FGD5: variants seen among roughly 807,000 people sequenced by gnomAD.
FGD5 encodes the protein FYVE, RhoGEF and PH domain-containing protein 5.
Under a neutral mutation model 133.4 loss-of-function variants are expected in FGD5, and 28 were observed. That is an observed-to-expected ratio of 0.21 (90% CI 0.16 to 0.29). FGD5 has a LOEUF of 0.29. Among genes scored for constraint, FGD5 ranks in the 10% least tolerant of loss-of-function variants. The pLI, the probability that FGD5 is intolerant of heterozygous loss-of-function variation, is 1.00. For missense variants in FGD5, 1,858 were observed against 1,895.2 expected (o/e 0.98, Z 0.36); for synonymous variants, 810 against 776.5 (o/e 1.04, Z -0.72).
At chr3:14,874,823 C>T (rs1001380767) in intron 2 of FGD5, among the ~76,000 whole-genome samples, 2 of 152,186 alleles carry the variant, frequency 1.3e-5, no homozygotes, top group African/African-American at 4.8e-5. Context: ...GGGCCAAACC[C>T]ACAGTCACAC....
At chr3:14,843,064 C>T (rs1160881809) in intron 1 of FGD5, among the ~76,000 whole-genome samples, 1 of 152,144 alleles carries the variant, frequency 6.6e-6, no homozygotes, top group Non-Finnish European at 1.5e-5. Context: ...ATTTTAAAAT[C>T]CCGAGAGTTG....
chr3:14,914,083 G>A lies in FGD5; in HGVS notation c.3405+3154G>A, dbSNP rs185694640. On this transcript the variant is annotated intron_variant, in intron 11 of 19. Transcript: ENST00000285046. Reference sequence around the variant, plus strand: ...GGTCCTCTTCTTCCTCTGGCTCAGCGCAGCCCTTCCACTGAGCAGTGTTGA... The same window carrying A: ...GGTCCTCTTCTTCCTCTGGCTCAGCACAGCCCTTCCACTGAGCAGTGTTGA... 2.3e-3 allele frequency among the ~76,000 whole-genome samples: 350 copies of A among 152,282 alleles called. 1 individual carries two copies. The highest frequency in any genetic ancestry group is 8.2e-3 in the African/African-American group (339 of 41,552).
rs549299298 is a variant in FGD5 at position 14,921,567 on chromosome 3, G to A, written c.3570-351G>A. 6.9e-5 allele frequency: 18 copies of A among 259,826 alleles called. No individual in the cohort carries two copies. In the South Asian group the frequency reaches 8.2e-4, roughly 12 times the overall value. The allele number at this position is 259,826 out of a possible 1,614,324, so 16.1% of individuals were successfully genotyped here. ...CCAGCCCTCTGTCCCCTGCCAGCCC[G>A]TTTCTCCTGAAGTGTGGGACCCTCT... On this transcript the variant is annotated intron_variant, in intron 13 of 19. Transcript: ENST00000285046.
Position 14,915,180 on chromosome 3 carries a change from C to T in FGD5, c.3406-2069C>T, listed in dbSNP as rs1012553766. ...CAACTCTACTGGGACACAGCAAGGC[C>T]CGGAGAGAGGGAGGGGTTCCTGAGG... is the stretch of plus-strand genomic sequence containing the variant. On this transcript the variant is annotated intron_variant, in intron 11 of 19. Transcript: ENST00000285046. 6.6e-5 allele frequency among the ~76,000 whole-genome samples: 10 copies of T among 152,220 alleles called. 1 individual carries two copies. Among genetic ancestry groups the T allele is most frequent in the Admixed American group, 6.5e-4 (10 of 15,292 alleles).
In FGD5 at chr3:14,926,166, G is replaced by A. The variant is rs1217993628; in HGVS notation, c.4165G>A (p.Gly1389Ser). The A allele has an allele frequency of 6.2e-7, 1 of 1,613,632 alleles. No individual in the cohort carries two copies. Among genetic ancestry groups the A allele is most frequent in the East Asian group, 2.2e-5 (1 of 44,876 alleles). The change falls in exon 18 of 20, where the codon GGC (glycine) becomes AGC (serine). Residue 1389 changes from glycine (G) to serine (S), a missense_variant. Coordinates refer to ENST00000285046, the MANE Select transcript of FGD5 (RefSeq NM_152536.4). Reference sequence around the variant, plus strand: ...GAAGAAGCTCTGGTTTGTCATCAAAGGCAAAGTTCTCTACACCTACATGGC... The same window carrying A: ...GAAGAAGCTCTGGTTTGTCATCAAAAGCAAAGTTCTCTACACCTACATGGC... ...HWKKLWFVIK[G>S]KVLYTYMASE...
In FGD5 at chr3:14,933,154, C is replaced by G; in HGVS notation, c.4376C>G (p.Ala1459Gly). 6.2e-7 allele frequency: 1 copy of G among 1,613,578 alleles called. No homozygotes were observed. The change falls in exon 20 of 20, where the codon GCG becomes GGG. Residue 1459 changes from alanine to glycine, a missense_variant. Transcript: ENST00000285046. ...AGGTGGATCGAGGCCATGGAAGATG[C>G]GAGTGTGTTATAGCAGTTATCAAGC... is the stretch of plus-strand genomic sequence containing the variant. The part of the protein sequence containing the change: ...AQRWIEAMED[A>G]SVL
chr3:14,820,736 C>T lies in FGD5; in HGVS notation c.1665C>T (p.Gly555=), dbSNP rs757796181. 1 of 1,607,898 alleles carries T rather than the reference C, an allele frequency of 6.2e-7. No homozygotes were observed. The highest frequency in any genetic ancestry group is 1.3e-5 in the African/African-American group (1 of 74,544). Residue 555 remains glycine, a synonymous_variant, in exon 1 of 20, where the codon GGC becomes GGT. Coordinates refer to ENST00000285046, the MANE Select transcript of FGD5 (RefSeq NM_152536.4). ...ACCCTCGGTCGTTCTCCGTGGAAGG[C>T]CGAGAGATTCCAGTGTCCGTGTACC... The part of the protein sequence containing the change: ...TLYPRSFSVE[G]REIPVSVYQE...
intron 11 of FGD5, among the ~76,000 whole-genome samples, chr3:14,911,850 C>T (rs985446114): frequency 7.3e-5 from 11 of 150,520 alleles, no homozygotes; most frequent in South Asian, 2.1e-4. Context: ...GCCACAGCCA[C>T]GGCAGCGCCG....
At chr3:14,828,087 G>A (rs903318547) in intron 1 of FGD5, among the ~76,000 whole-genome samples, 1 of 152,176 alleles carries the variant, frequency 6.6e-6, no homozygotes. Context: ...ATGGTTGTTT[G>A]TGAAATGACT....
chr3:14,836,727 C>A (rs953433213), intron 1 of FGD5, among the ~76,000 whole-genome samples: 1 of 152,036 alleles, frequency 6.6e-6, no homozygotes, highest in Non-Finnish European at 1.5e-5. Context: ...CTCAGAAAGG[C>A]CCAGGAGAGA....
In FGD5 at chr3:14,819,209, T is replaced by A. The variant is rs1027146839; in HGVS notation, c.138T>A (p.Leu46=). The A allele has an allele frequency of 3.2e-6, 5 of 1,549,942 alleles. No homozygotes were observed. The highest frequency in any genetic ancestry group is 4.4e-6 in the Non-Finnish European group (5 of 1,146,440). The change falls in exon 1 of 20, where the codon CTT becomes CTA. Residue 46 remains leucine (L), a synonymous_variant. Transcript: ENST00000285046. The surrounding 1 kb of genome is among the most constrained non-coding windows in gnomAD (Gnocchi z 4.1). ...GGCTGCCCTGTGTAGACAGGGGGCTTGATGAGGGGCCCCGGTCCATCCCAA... is the reference window on the plus strand; with the variant it reads ...GGCTGCCCTGTGTAGACAGGGGGCTAGATGAGGGGCCCCGGTCCATCCCAA... ...NGRLPCVDRG[L]DEGPRSIPKC...
At chr3:14,866,018 G>T (rs1010537119) in intron 2 of FGD5, among the ~76,000 whole-genome samples, 2 of 152,190 alleles carry the variant, frequency 1.3e-5, no homozygotes, top group Admixed American at 6.5e-5. Context: ...CCAGGAATTG[G>T]GTACTGGCCG....
chr3:14,910,347 A>G (rs1222599068), intron 10 of FGD5, among the ~76,000 whole-genome samples: 1 of 152,168 alleles, frequency 6.6e-6, no homozygotes. Flanking sequence ...AAACAAAGAC[A>G]ATAACAGGGT....
rs751172332 is a variant in FGD5, at chr3:14,926,116, G to A, written c.4115G>A (p.Arg1372Gln). The A allele has an allele frequency of 4.2e-5, 68 of 1,613,804 alleles. No individual in the cohort carries two copies. Among genetic ancestry groups the A allele is most frequent in the Non-Finnish European group, 5.3e-5 (63 of 1,179,850 alleles). ...EGSAISGYLSRCKRGKRHWKK... is the reference protein window; with the variant it reads ...EGSAISGYLSQCKRGKRHWKK... Reference sequence around the variant, plus strand: ...TCTGCCATCAGTGGCTATCTCAGCCGGTGTAAGAGGGGCAAGCGGCACTGG... The same window carrying A: ...TCTGCCATCAGTGGCTATCTCAGCCAGTGTAAGAGGGGCAAGCGGCACTGG... The change falls in exon 18 of 20, where the codon CGG becomes CAG. Residue 1372 changes from arginine to glutamine, a missense_variant. Coordinates refer to ENST00000285046, the MANE Select transcript of FGD5 (RefSeq NM_152536.4).
At chr3:14,894,674 A>AT (rs55815625) in intron 4 of FGD5, among the ~76,000 whole-genome samples, 316 of 128,322 alleles carry the variant, frequency 2.5e-3, no homozygotes, top group Middle Eastern at 8.1e-3. Context: ...GGTCCAGCTA[A>AT]TTTTTTTTTT....
chr3:14,855,979 A>T (rs777377405), intron 1 of FGD5, among the ~76,000 whole-genome samples: 1 of 151,962 alleles, frequency 6.6e-6, no homozygotes, highest in Non-Finnish European at 1.5e-5. Flanking sequence ...CATTTCTCCT[A>T]TGTTTTCTTC....
At chr3:14,823,912 TATCTA>T (rs1166000550) in intron 1 of FGD5, among the ~76,000 whole-genome samples, 4 of 152,202 alleles carry the variant, frequency 2.6e-5, no homozygotes, top group African/African-American at 9.7e-5. Flanking sequence ...GGGAATAAAA[TATCTA>T]AGACAACGCT....
chr3:14,820,543 G>A lies in FGD5; in HGVS notation c.1472G>A (p.Gly491Asp). 2.5e-6 allele frequency: 4 copies of A among 1,613,624 alleles called. No individual in the cohort carries two copies. Among genetic ancestry groups the A allele is most frequent in the Non-Finnish European group, 3.4e-6 (4 of 1,179,698 alleles). ...CGGCCCCACTCTGGGAAGGTGGCCG[G>A]CTATGTCCCAGAAACCGTCCCTGAA... is the stretch of plus-strand genomic sequence containing the variant. ...RVRPHSGKVA[G>D]YVPETVPEET... Residue 491 changes from glycine (G) to aspartate (D), a missense_variant, in exon 1 of 20, where the codon GGC becomes GAC. This residue lies in a region of FGD5 where 1,824 missense variants were observed against 1,848.9 expected (regional missense o/e 0.99). Transcript: ENST00000285046.
At chr3:14,887,198 G>C (rs1306859007) in intron 4 of FGD5, among the ~76,000 whole-genome samples, 1 of 152,148 alleles carries the variant, frequency 6.6e-6, no homozygotes, top group Non-Finnish European at 1.5e-5. Context: ...GCTCTTTTTA[G>C]GTGCTTGTTT....
Sources: gnomAD v4.1 joint callset for allele counts (sites outside exome capture counted in the v4.1 genomes callset) on GRCh38, gnomAD v4.1.1 for gene constraint, gnomAD v4.1.1 regional missense constraint, Gnocchi (gnomAD v3.1) non-coding constraint, MANE v1.5 for transcripts, NCBI Gene and HGNC (gene_info 2026-07-23, HGNC 2026-07-21) for gene names.